FRMD3: variants seen among roughly 807,000 people sequenced by gnomAD.
FRMD3 encodes the protein FERM domain containing 3.
A neutral mutation model predicts 70.2 loss-of-function variants in FRMD3; 33 were observed. That is an observed-to-expected ratio of 0.47 (90% CI 0.36 to 0.63). The LOEUF is 0.63. FRMD3 is among the 20% of genes least tolerant of loss of function. The pLI is 0.00. For synonymous variants in FRMD3, 279 were observed against 255.9 expected, an observed-to-expected ratio of 1.09 and a Z score of -0.86; for missense variants, 632 against 711.4, an observed-to-expected ratio of 0.89 and a Z score of 1.27.
At chr9:83,499,814 C>T (rs573765625) in intron 1 of FRMD3, among the ~76,000 whole-genome samples, 2 of 152,132 alleles carry the variant, frequency 1.3e-5, no homozygotes, top group Non-Finnish European at 2.9e-5. Flanking sequence ...TTTATAGAAG[C>T]CTTATTCATA....
intron 1 of FRMD3, among the ~76,000 whole-genome samples, chr9:83,511,306 C>G (rs1829334091): frequency 6.6e-6 from 1 of 152,158 alleles, no homozygotes; most frequent in Admixed American, 6.5e-5. Context: ...AGTAGCATAA[C>G]AGCCAGAGAG....
chr9:83,431,445 T>A (rs3860921), intron 1 of FRMD3, among the ~76,000 whole-genome samples: 73,283 of 152,088 alleles, frequency 0.48, 18,555 homozygotes, highest in African/African-American at 0.66. Flanking sequence ...AAATCTAAAA[T>A]TTTTAATTTA....
At chr9:83,255,984 C>A (rs1832688005) in intron 13 of FRMD3, among the ~76,000 whole-genome samples, 2 of 152,144 alleles carry the variant, frequency 1.3e-5, no homozygotes, top group Admixed American at 1.3e-4. Flanking sequence ...TCCCATTGAA[C>A]TACCATTCAG....
chr9:83,550,382 T>C, the FRMD3 span, among the ~76,000 whole-genome samples: 1 of 152,174 alleles, frequency 6.6e-6, no homozygotes. Flanking sequence ...GGTAACATGA[T>C]TCCCCCACCT....
At chr9:83,445,335 A>AAAAT (rs1256317598) in intron 1 of FRMD3, among the ~76,000 whole-genome samples, 1 of 124,448 alleles carries the variant, frequency 8.0e-6, no homozygotes, top group Non-Finnish European at 1.7e-5. Context: ...CCCTATCTCA[A>AAAAT]AAATAAATAG....
chr9:83,393,139 C>G (rs1024861117), intron 1 of FRMD3, among the ~76,000 whole-genome samples: 1 of 152,204 alleles, frequency 6.6e-6, no homozygotes, highest in Non-Finnish European at 1.5e-5. Flanking sequence ...TGTATGGTCT[C>G]AGAAATGCAC....
intron 1 of FRMD3, among the ~76,000 whole-genome samples, chr9:83,516,155 A>ATT (rs1829450594): frequency 6.6e-6 from 1 of 152,198 alleles, no homozygotes; most frequent in African/African-American, 2.4e-5. Flanking sequence ...AAATGCCCCA[A>ATT]TTAAAAGACA....
intron 1 of FRMD3, among the ~76,000 whole-genome samples, chr9:83,424,806 C>T (rs1199894111): frequency 6.6e-6 from 1 of 152,216 alleles, no homozygotes; most frequent in Non-Finnish European, 1.5e-5. Flanking sequence ...AATCATATAA[C>T]TATCCACACA....
chr9:83,481,020 C>T (rs954740078), intron 1 of FRMD3, among the ~76,000 whole-genome samples: 12 of 152,212 alleles, frequency 7.9e-5, no homozygotes, highest in African/African-American at 1.4e-4. Context: ...ATTTTAAATG[C>T]TTTACATGAA....
intron 6 of FRMD3, among the ~76,000 whole-genome samples, chr9:83,332,919 C>T (rs1461196554): frequency 1.3e-5 from 2 of 152,194 alleles, no homozygotes; most frequent in African/African-American, 2.4e-5. Flanking sequence ...CCATCCATGA[C>T]TCCTTCCTGG....
intron 1 of FRMD3, among the ~76,000 whole-genome samples, chr9:83,484,566 C>T (rs116603975): frequency 0.025 from 3,821 of 152,184 alleles, 158 homozygotes; most frequent in African/African-American, 0.087. Context: ...TACAGGCCCA[C>T]GCCATCACAC....
At chr9:83,510,542 G>A (rs1170552684) in intron 1 of FRMD3, among the ~76,000 whole-genome samples, 1 of 152,162 alleles carries the variant, frequency 6.6e-6, no homozygotes, top group Non-Finnish European at 1.5e-5. Context: ...GAAAGCATAT[G>A]TCCACACAAA....
chr9:83,436,102 C>T (rs1457165089), intron 1 of FRMD3, among the ~76,000 whole-genome samples: 1 of 152,188 alleles, frequency 6.6e-6, no homozygotes, highest in African/African-American at 2.4e-5. Flanking sequence ...TCTCTACCCA[C>T]AGTCCTACCT....
intron 1 of FRMD3, among the ~76,000 whole-genome samples, chr9:83,453,868 A>T (rs960453924): frequency 1.3e-5 from 2 of 152,032 alleles, no homozygotes; most frequent in African/African-American, 2.4e-5. Flanking sequence ...GGCGTCTGCC[A>T]CCACGCCTGG....
chr9:83,310,592 C>A, intron 8 of FRMD3, 44 bp from the exon 9 acceptor site: 1 of 1,490,296 alleles, frequency 6.7e-7, no homozygotes. Context: ...AAAGTGGCAG[C>A]TAACCAAGGT....
Position 83,284,227 on chromosome 9 carries a change from A to G in FRMD3, c.1195+6376T>C, listed in dbSNP as rs1042811262. 1.3e-4 allele frequency among the ~76,000 whole-genome samples: 20 copies of G among 152,172 alleles called. No individual in the cohort carries two copies. The East Asian group carries it at 3.7e-3, about 28-fold the overall frequency. ...GAACTGGGGTTGGTCATCACCAGGT[A>G]GCAGGAACCATAAGGGGAAAGGTGA... On this transcript the variant is annotated intron_variant, in intron 13 of 13. Transcript: ENST00000304195.
At chr9:83,302,026 TTTAATGAAACG>T (rs1243032644) in intron 10 of FRMD3, among the ~76,000 whole-genome samples, 1 of 152,222 alleles carries the variant, frequency 6.6e-6, no homozygotes, top group East Asian at 1.9e-4. Flanking sequence ...AGCTGAGATT[TTTAATGAAACG>T]TTAACAGGCA....
the FRMD3 span, among the ~76,000 whole-genome samples, chr9:83,543,855 G>A: frequency 1.3e-5 from 2 of 152,196 alleles, no homozygotes; most frequent in African/African-American, 4.8e-5. Context: ...GTGTGGTTCT[G>A]CCATAGCAGC....
At chr9:83,414,049 T>C (rs748898097) in intron 1 of FRMD3, among the ~76,000 whole-genome samples, 2 of 151,954 alleles carry the variant, frequency 1.3e-5, no homozygotes, top group Non-Finnish European at 2.9e-5. Flanking sequence ...TGTGTTCAAA[T>C]AAAATTCACG....
Sources: gnomAD v4.1 joint callset for allele counts (sites outside exome capture counted in the v4.1 genomes callset) on GRCh38, gnomAD v4.1.1 for gene constraint, MANE v1.5 for transcripts, NCBI Gene and HGNC (gene_info 2026-07-23, HGNC 2026-07-21) for gene names.